The following ANO4 variants were observed in gnomAD, a reference collection of about 807,000 sequenced individuals.
ANO4 encodes anoctamin 4, also known as anoctamin-4.
ANO4 carries 69 observed loss-of-function variants against 141.9 expected under a neutral mutation model. The observed-to-expected ratio is 0.49, with a 90% CI of 0.40 to 0.59. The LOEUF is 0.59. Among genes scored for constraint, ANO4 ranks in the 20% least tolerant of loss-of-function variants. ANO4 has a pLI of 0.00. For synonymous variants in ANO4, 350 were observed against 394.3 expected (o/e 0.89, Z 1.33); for missense variants, 894 against 1,162.2 (o/e 0.77, Z 3.36).
intron 13 of ANO4, 32 bp from the exon 14 acceptor site, chr12:101,048,309 A>G (rs1173545288): frequency 4.4e-6 from 7 of 1,605,888 alleles, no homozygotes; most frequent in Non-Finnish European, 6.0e-6. Context: ...TATATGAGAA[A>G]TTAACTCAGC....
chr12:100,782,212 G>C (rs756144847), intron 3 of ANO4, among the ~76,000 whole-genome samples: 11 of 151,994 alleles, frequency 7.2e-5, no homozygotes, highest in Non-Finnish European at 1.5e-4. Flanking sequence ...ACATCTTTCC[G>C]ATGTTAAAGA....
chr12:101,062,926 G>A (rs2048411037), intron 14 of ANO4, among the ~76,000 whole-genome samples: 1 of 152,190 alleles, frequency 6.6e-6, no homozygotes, highest in Admixed American at 6.5e-5. Context: ...AGGCACCACT[G>A]GGGTATGAAA....
intron 7 of ANO4, among the ~76,000 whole-genome samples, chr12:100,975,683 C>G (rs1024863110): frequency 6.6e-6 from 1 of 151,840 alleles, no homozygotes; most frequent in Admixed American, 6.6e-5. Flanking sequence ...TCAGGCGATC[C>G]GCCCACCTCG....
chr12:100,934,998 T>C (rs864255), intron 3 of ANO4, among the ~76,000 whole-genome samples: 106,767 of 151,990 alleles, frequency 0.7, 37,716 homozygotes, highest in Middle Eastern at 0.76. Flanking sequence ...TGGGCTGAGA[T>C]GATGGGGTTT....
At chr12:100,998,031 T>C (rs144460642) in intron 8 of ANO4, among the ~76,000 whole-genome samples, 1 of 152,180 alleles carries the variant, frequency 6.6e-6, no homozygotes, top group Non-Finnish European at 1.5e-5. Context: ...GTAAACTTGA[T>C]TGGATTGAAG....
intron 9 of ANO4, among the ~76,000 whole-genome samples, chr12:101,021,100 G>T (rs1043623197): frequency 6.6e-6 from 1 of 152,190 alleles, no homozygotes; most frequent in African/African-American, 2.4e-5. Flanking sequence ...TCGCTACAAT[G>T]CTAAGCTGCA....
At chr12:100,993,182 C>T (rs822105) in intron 8 of ANO4, among the ~76,000 whole-genome samples, 41,297 of 151,864 alleles carry the variant, frequency 0.27, 5,783 homozygotes, top group East Asian at 0.36. Context: ...GAATGAGACC[C>T]TATCTCTCAA....
chr12:101,051,592 C>A (rs2047873847), intron 14 of ANO4, among the ~76,000 whole-genome samples: 1 of 152,218 alleles, frequency 6.6e-6, no homozygotes, highest in Non-Finnish European at 1.5e-5. Context: ...TAATAGCATT[C>A]ATTTCCGAGG....
intron 8 of ANO4, among the ~76,000 whole-genome samples, chr12:101,014,367 C>T (rs901317636): frequency 6.6e-6 from 1 of 152,140 alleles, no homozygotes; most frequent in East Asian, 1.9e-4. Flanking sequence ...TCTTCCACCA[C>T]CCCGGGTGAA....
chr12:101,081,474 T>G (rs2049276079), intron 15 of ANO4, among the ~76,000 whole-genome samples: 1 of 152,184 alleles, frequency 6.6e-6, no homozygotes, highest in South Asian at 2.1e-4. Context: ...TGCTGAATTG[T>G]CCTCTCACTC....
At chr12:101,017,021 G>A (rs73377005) in intron 8 of ANO4, among the ~76,000 whole-genome samples, 9,177 of 152,152 alleles carry the variant, frequency 0.06, 458 homozygotes, top group African/African-American at 0.14. Flanking sequence ...GCTAAAAGTC[G>A]CTCCTCCTCC....
chr12:100,869,517 C>A (rs142017044), intron 1 of ANO4, among the ~76,000 whole-genome samples: 1 of 152,160 alleles, frequency 6.6e-6, no homozygotes, highest in African/African-American at 2.4e-5. Flanking sequence ...CCCAAATGAT[C>A]GCAATCCAGT....
intron 1 of ANO4, among the ~76,000 whole-genome samples, chr12:100,851,003 T>C (rs2135849977): frequency 6.6e-6 from 1 of 152,328 alleles, no homozygotes; most frequent in East Asian, 1.9e-4. Context: ...TTTCTATTTT[T>C]AGCTCTTTTA....
At chr12:100,847,007 C>T (rs1285817724) in intron 1 of ANO4, among the ~76,000 whole-genome samples, 1 of 152,296 alleles carries the variant, frequency 6.6e-6, no homozygotes, top group East Asian at 1.9e-4. Context: ...TCAGGGGAAG[C>T]TCTGCATAAC....
At chr12:100,824,087 A>T (rs578057836) in intron 1 of ANO4, among the ~76,000 whole-genome samples, 1 of 152,098 alleles carries the variant, frequency 6.6e-6, no homozygotes, top group South Asian at 2.1e-4. Flanking sequence ...TAACACTGAC[A>T]TAAAAATTAA....
intron 4 of ANO4, among the ~76,000 whole-genome samples, chr12:100,941,094 T>A (rs544807384): frequency 2.0e-5 from 3 of 152,262 alleles, no homozygotes; most frequent in African/African-American, 7.2e-5. Flanking sequence ...AATGGAAAAT[T>A]AATATTGGAG....
At chr12:101,037,676 C>T (rs187107870) in intron 10 of ANO4, among the ~76,000 whole-genome samples, 14 of 152,274 alleles carry the variant, frequency 9.2e-5, no homozygotes, top group Non-Finnish European at 1.3e-4. Flanking sequence ...AAATTACTTT[C>T]GCAAGTGTAA....
Position 100,991,991 on chromosome 12 carries a change from G to C in ANO4, c.734+4321G>C, listed in dbSNP as rs529378845. ...GTCCAGTTGCTGAAACTGGAGTCTGGAAGCTATTCTAGACACCTCTCTCAT... is the reference window on the plus strand; with the variant it reads ...GTCCAGTTGCTGAAACTGGAGTCTGCAAGCTATTCTAGACACCTCTCTCAT... On this transcript the variant is annotated intron_variant, in intron 8 of 27. Transcript: ENST00000392977. 8.5e-5 allele frequency among the ~76,000 whole-genome samples: 13 copies of C among 152,234 alleles called. No individual in the cohort carries two copies. In the East Asian group the frequency reaches 1.5e-3, roughly 18 times the overall value.
chr12:100,983,164 C>T (rs183141231), intron 7 of ANO4, among the ~76,000 whole-genome samples: 2 of 152,258 alleles, frequency 1.3e-5, no homozygotes, highest in Admixed American at 6.5e-5. Flanking sequence ...ATTATCCTGC[C>T]ACAGAGAGAT....
Sources: allele counts gnomAD v4.1 joint callset (sites outside exome capture counted in the v4.1 genomes callset), GRCh38; gene constraint gnomAD v4.1.1; transcripts MANE v1.5; gene names NCBI Gene and HGNC (gene_info 2026-07-23, HGNC 2026-07-21).